Variants in NFATC2 observed in about 807,000 individuals in gnomAD.
NFATC2 encodes nuclear factor of activated T cells 2, also known as nuclear factor of activated T-cells, cytoplasmic 2.
Under a neutral mutation model 87.3 loss-of-function variants are expected in NFATC2, and 22 were observed. The observed-to-expected ratio is 0.25, with a 90% confidence interval of 0.18 to 0.36. The LOEUF (loss-of-function observed/expected upper bound fraction) is 0.36. NFATC2 is among the 10% of genes least tolerant of loss of function. NFATC2 has a pLI of 1.00. For missense variants in NFATC2, 1,149 were observed against 1,259.1 expected (o/e 0.91, Z 1.32); for synonymous variants, 565 against 542.2 (o/e 1.04, Z -0.58).
At chr20:51,440,692 C>T (rs1984207808) in intron 6 of NFATC2, among the ~76,000 whole-genome samples, 1 of 152,208 alleles carries the variant, frequency 6.6e-6, no homozygotes, top group Non-Finnish European at 1.5e-5. Flanking sequence ...CTGGCCTGAC[C>T]TGTACTTTCT....
Position 51,475,452 on chromosome 20 carries a change from C to T in NFATC2, c.1535+6G>A, listed in dbSNP as rs1487001094. 4 of 1,613,432 alleles carry T rather than the reference C, an allele frequency of 2.5e-6. No homozygotes were observed. The highest frequency in any genetic ancestry group is 1.7e-5 in the Admixed American group (1 of 60,018). ...AGACCCGCCGCCCTCAGCTCCCAGC[C>T]CTTACGTTGCCCTCATGTTGTTTTT... is the stretch of plus-strand genomic sequence containing the variant. On this transcript the variant is annotated splice_donor_region_variant and intron_variant, in intron 4 of 10. Transcript: ENST00000371564.
At chr20:51,557,985 A>G (rs1290411464) in intron 1 of NFATC2, among the ~76,000 whole-genome samples, 1 of 152,170 alleles carries the variant, frequency 6.6e-6, no homozygotes, top group Non-Finnish European at 1.5e-5. Flanking sequence ...AGCCCAGAGG[A>G]GGCCTCCCAT....
chr20:51,540,656 TTG>T lies in NFATC2; in HGVS notation c.130+1712_130+1713del, dbSNP rs559974686. On this transcript the variant is annotated intron_variant, in intron 1 of 10. Transcript: ENST00000371564. The stretch of plus-strand genomic sequence containing the variant: ...TGTTCCAAAAACTGAAGTTTTTTTT[TTG>T]TTTTTTTTTTTTTGAGAAAACAGAT... Among the ~76,000 whole-genome samples the T allele has an allele frequency of 1.3e-3, 174 of 132,066 alleles. 16 individuals carry two copies. The highest frequency in any genetic ancestry group is 4.7e-3 in the African/African-American group (148 of 31,356). 86.6% of individuals were successfully genotyped at this position (132,066 alleles called of 152,430 possible). A position where few individuals can be genotyped will look rare whatever the true frequency, so the allele number is the denominator to read the frequency against.
At chr20:51,509,805 T>G (rs1341537286) in intron 3 of NFATC2, among the ~76,000 whole-genome samples, 2 of 152,216 alleles carry the variant, frequency 1.3e-5, no homozygotes, top group Non-Finnish European at 2.9e-5. Flanking sequence ...TCCAACAGAA[T>G]GAGCATCCAC....
intron 9 of NFATC2, among the ~76,000 whole-genome samples, chr20:51,426,008 G>C (rs1214557885): frequency 6.6e-6 from 1 of 152,146 alleles, no homozygotes; most frequent in Admixed American, 6.5e-5. Flanking sequence ...GGAGGAAGCG[G>C]GGGGAGGGAG....
intron 9 of NFATC2, chr20:51,399,333 A>G (rs1987728184): frequency 6.6e-6 from 1 of 152,400 alleles, no homozygotes; most frequent in African/African-American, 2.4e-5. Context: ...TCCTCTCTAC[A>G]TGTGTACAAT....
At chr20:51,396,036 A>T (rs1987042132) in intron 10 of NFATC2, among the ~76,000 whole-genome samples, 2 of 14,820 alleles carry the variant, frequency 1.3e-4, no homozygotes, top group African/African-American at 5.4e-4. Context: ...AGCTCCTAGT[A>T]TGTATATATA....
intron 1 of NFATC2, among the ~76,000 whole-genome samples, chr20:51,556,052 G>A (rs533554719): frequency 3.9e-5 from 6 of 152,280 alleles, no homozygotes; most frequent in African/African-American, 1.4e-4. Flanking sequence ...GTGAGAAGAG[G>A]AATCAACGCA....
At position 51,542,437 on chromosome 20, in the gene NFATC2, C is replaced by T; in HGVS notation, c.63G>A (p.Gly21=). The change falls in exon 1 of 11, where the codon GGG becomes GGA. Residue 21 remains glycine (G), a synonymous_variant. Coordinates refer to ENST00000371564, the MANE Select transcript of NFATC2 (RefSeq NM_012340.5). ...DGGDAPGHEP[G]GSPQDELDFS... The stretch of plus-strand genomic sequence containing the variant: ...AGTCAAGCTCGTCTTGGGGGCTGCC[C>T]CCAGGCTCGTGGCCTGGGGCGTCCC... 1 of 1,597,990 alleles carries T rather than the reference C, an allele frequency of 6.3e-7. No individual in the cohort carries two copies. Among genetic ancestry groups the T allele is most frequent in the South Asian group, 1.1e-5 (1 of 90,550 alleles).
At chr20:51,435,672 G>T (rs1344762237) in intron 7 of NFATC2, 34 bp downstream of exon 7, 8 of 1,596,602 alleles carry the variant, frequency 5.0e-6, no homozygotes, top group Admixed American at 1.7e-5. Flanking sequence ...ACGTGAGGGG[G>T]ATTGAGAGAC....
rs778307851 is a variant in NFATC2 at position 51,432,791 on chromosome 20, G to A, written c.2033-35C>T. The A allele has an allele frequency of 1.4e-5, 21 of 1,513,350 alleles. No homozygotes were observed. Among genetic ancestry groups the A allele is most frequent in the Non-Finnish European group, 1.2e-5 (14 of 1,138,324 alleles). The allele number at this position is 1,513,350 out of a possible 1,614,324, so 93.7% of individuals were successfully genotyped here. On this transcript the variant is annotated intron_variant, in intron 8 of 10. Transcript: ENST00000371564. This position sits in a 1 kb window ranked among gnomAD's most constrained non-coding sequence, Gnocchi z 4.6. ...GAAAAGAGCACATAGGGGCGCCCAT[G>A]GCAGTGAGCCACGGATGTGCACGGA...
intron 9 of NFATC2, among the ~76,000 whole-genome samples, chr20:51,415,422 C>A (rs1979909961): frequency 6.6e-6 from 1 of 152,116 alleles, no homozygotes; most frequent in Admixed American, 6.5e-5. Flanking sequence ...CAGCAGGTAT[C>A]TGGATGGACC....
chr20:51,422,552 C>T (rs1468208625), intron 9 of NFATC2, among the ~76,000 whole-genome samples: 1 of 143,656 alleles, frequency 7.0e-6, no homozygotes, highest in Non-Finnish European at 1.5e-5. Context: ...TCATCATTCC[C>T]CAGGAAGAAA....
chr20:51,410,209 C>CAAAAAAAAA (rs386393961), intron 9 of NFATC2, among the ~76,000 whole-genome samples: 1 of 103,148 alleles, frequency 9.7e-6, no homozygotes, highest in Non-Finnish European at 1.8e-5. Context: ...GACTCTGTCT[C>CAAAAAAAAA]AAAAAAAAAA....
intron 3 of NFATC2, among the ~76,000 whole-genome samples, chr20:51,496,855 A>G (rs1448987378): frequency 6.6e-6 from 1 of 152,176 alleles, no homozygotes; most frequent in African/African-American, 2.4e-5. Context: ...CCTGAAAGCA[A>G]GAATTGATCT....
chr20:51,389,832 T>G lies in NFATC2; in HGVS notation c.*1664A>C, dbSNP rs1034299293. The stretch of plus-strand genomic sequence containing the variant: ...GCCCACAGTGGGCACTGAGTGGCCA[T>G]GACTTTCTTCTGAGGCCTTCTGCCT... On this transcript the variant is annotated 3_prime_UTR_variant, in exon 11 of 11. Transcript: ENST00000371564. 1 of 152,188 alleles carries G rather than the reference T, an allele frequency of 6.6e-6. No individual in the cohort carries two copies. The highest frequency in any genetic ancestry group is 1.5e-5 in the Non-Finnish European group (1 of 68,036). 9.4% of individuals were successfully genotyped at this position (152,188 alleles called of 1,614,324 possible).
intron 5 of NFATC2, among the ~76,000 whole-genome samples, chr20:51,470,937 G>T (rs1988147684): frequency 6.6e-6 from 1 of 152,170 alleles, no homozygotes; most frequent in African/African-American, 2.4e-5. Flanking sequence ...GGAACCAAAA[G>T]AAGAAAGGAT....
chr20:51,404,991 G>A (rs1303594861), intron 9 of NFATC2, among the ~76,000 whole-genome samples: 2 of 152,214 alleles, frequency 1.3e-5, no homozygotes, highest in Non-Finnish European at 2.9e-5. Context: ...CTCTTGGGAT[G>A]AGTAGACATG....
chr20:51,493,022 T>C (rs1337310665), intron 3 of NFATC2, among the ~76,000 whole-genome samples: 1 of 152,312 alleles, frequency 6.6e-6, no homozygotes, highest in Non-Finnish European at 1.5e-5. Context: ...TGGTGAACCA[T>C]GTGGCATCTG....
Sources: allele counts gnomAD v4.1 joint callset (sites outside exome capture counted in the v4.1 genomes callset), GRCh38; gene constraint gnomAD v4.1.1; non-coding constraint Gnocchi (gnomAD v3.1); transcripts MANE v1.5; gene names NCBI Gene and HGNC (gene_info 2026-07-23, HGNC 2026-07-21).